The following NOL4 variants were observed in gnomAD, a reference collection of about 807,000 sequenced individuals.
NOL4 encodes cancer/testis antigen 125.
A neutral mutation model predicts 75.9 loss-of-function variants in NOL4; 17 were observed. The ratio of observed to expected loss-of-function variants is 0.22; its 90% CI spans 0.15 to 0.34. NOL4 has a LOEUF of 0.34. Among genes scored for constraint, NOL4 ranks in the 10% least tolerant of loss-of-function variants. The pLI is 1.00. For synonymous variants in NOL4, 292 were observed against 289.9 expected (o/e 1.01, Z -0.07); for missense variants, 614 against 793.5 (o/e 0.77, Z 2.72).
At chr18:34,159,920 G>T (rs1469143887) in intron 1 of NOL4, among the ~76,000 whole-genome samples, 2 of 152,076 alleles carry the variant, frequency 1.3e-5, no homozygotes, top group Non-Finnish European at 2.9e-5. Flanking sequence ...GGAGTGGGGT[G>T]GGGTGGAGTT....
chr18:34,073,768 G>A (rs2077622146), intron 5 of NOL4, among the ~76,000 whole-genome samples: 1 of 151,954 alleles, frequency 6.6e-6, no homozygotes, highest in Non-Finnish European at 1.5e-5. Context: ...TAGGGATATA[G>A]TAATGCAATC....
chr18:34,043,473 C>T (rs2076228601), intron 5 of NOL4, among the ~76,000 whole-genome samples: 2 of 151,882 alleles, frequency 1.3e-5, no homozygotes, highest in Admixed American at 6.6e-5. Context: ...CAAGAAAAAA[C>T]AATAAAAATA....
chr18:33,856,333 G>A (rs552210043), intron 10 of NOL4, among the ~76,000 whole-genome samples: 2 of 152,094 alleles, frequency 1.3e-5, no homozygotes, highest in East Asian at 3.9e-4. Flanking sequence ...TTCAAGTAAA[G>A]TAACCTCTAA....
At chr18:34,094,762 G>T (rs759895291) in intron 4 of NOL4, among the ~76,000 whole-genome samples, 1 of 151,778 alleles carries the variant, frequency 6.6e-6, no homozygotes, top group Non-Finnish European at 1.5e-5. Context: ...TGTTGCACAC[G>T]TTGTTCTTTA....
intron 2 of NOL4, among the ~76,000 whole-genome samples, chr18:34,122,172 G>T (rs2080172919): frequency 6.6e-6 from 1 of 152,164 alleles, no homozygotes; most frequent in Non-Finnish European, 1.5e-5. Flanking sequence ...GCTGAGGAAA[G>T]TGTTCACTCT....
chr18:33,986,592 A>G (rs1362374872), intron 6 of NOL4, among the ~76,000 whole-genome samples: 2 of 152,138 alleles, frequency 1.3e-5, no homozygotes, highest in African/African-American at 4.8e-5. Context: ...GACCATGGTT[A>G]ACCCCAGATA....
chr18:34,167,939 A>G (rs2032587692), intron 1 of NOL4, among the ~76,000 whole-genome samples: 2 of 152,092 alleles, frequency 1.3e-5, no homozygotes, highest in African/African-American at 4.8e-5. Flanking sequence ...TCAGTGCACT[A>G]AATCTCTTTT....
chr18:34,021,944 A>T (rs997530795), intron 5 of NOL4, among the ~76,000 whole-genome samples: 1 of 151,982 alleles, frequency 6.6e-6, no homozygotes, highest in East Asian at 1.9e-4. Flanking sequence ...TCTCTACTTA[A>T]AATACAAAAA....
chr18:33,962,430 A>C (rs777496671), intron 6 of NOL4, among the ~76,000 whole-genome samples: 30 of 152,338 alleles, frequency 2.0e-4, no homozygotes, highest in Non-Finnish European at 3.5e-4. Flanking sequence ...TCTACCAACA[A>C]AGTAAAATGA....
At chr18:34,113,790 T>C (rs981033460) in intron 2 of NOL4, among the ~76,000 whole-genome samples, 5 of 152,228 alleles carry the variant, frequency 3.3e-5, no homozygotes, top group Non-Finnish European at 5.9e-5. Context: ...AGAGACAGCA[T>C]TGAAAGCCTA....
chr18:33,879,037 C>T (rs1283970792), intron 10 of NOL4, among the ~76,000 whole-genome samples: 1 of 152,040 alleles, frequency 6.6e-6, no homozygotes, highest in African/African-American at 2.4e-5. Flanking sequence ...GGACGAGTTC[C>T]TCTCTATGTG....
At chr18:34,057,197 C>T (rs1366828902) in intron 5 of NOL4, among the ~76,000 whole-genome samples, 1 of 152,088 alleles carries the variant, frequency 6.6e-6, no homozygotes, top group East Asian at 1.9e-4. Flanking sequence ...GTTTGGAGTT[C>T]TTGAGAATCT....
At chr18:33,899,748 T>C (rs2065638248) in intron 9 of NOL4, among the ~76,000 whole-genome samples, 1 of 152,110 alleles carries the variant, frequency 6.6e-6, no homozygotes, top group Admixed American at 6.6e-5. Context: ...GAACCAGCCA[T>C]TTTGTTTTAC....
chr18:34,161,528 T>G (rs753533311), intron 1 of NOL4, among the ~76,000 whole-genome samples: 2 of 152,176 alleles, frequency 1.3e-5, no homozygotes, highest in African/African-American at 4.8e-5. Flanking sequence ...TTTTTGATAA[T>G]AGCCATTCTA....
intron 5 of NOL4, among the ~76,000 whole-genome samples, chr18:34,083,933 C>G (rs928613015): frequency 1.5e-4 from 23 of 152,136 alleles, no homozygotes; most frequent in African/African-American, 5.5e-4. Context: ...AGGGCTACTG[C>G]GGTTTGTTGG....
intron 9 of NOL4, among the ~76,000 whole-genome samples, chr18:33,886,804 CGTA>C (rs2064700359): frequency 7.4e-6 from 1 of 135,696 alleles, no homozygotes; most frequent in African/African-American, 3.0e-5. Flanking sequence ...TATCTATATA[CGTA>C]TATAGATATA....
chr18:33,889,015 G>C (rs144602542), intron 9 of NOL4, among the ~76,000 whole-genome samples: 1 of 151,942 alleles, frequency 6.6e-6, no homozygotes, highest in Non-Finnish European at 1.5e-5. Flanking sequence ...AAATAACTAA[G>C]ATCAGAGCAG....
At chr18:34,152,302 T>C (rs992655624) in intron 1 of NOL4, among the ~76,000 whole-genome samples, 1 of 151,862 alleles carries the variant, frequency 6.6e-6, no homozygotes, top group Non-Finnish European at 1.5e-5. Flanking sequence ...GAAATGTTCA[T>C]GTAAAAATAG....
rs558817246 is a variant in NOL4 at position 34,107,674 on chromosome 18, C to T, written c.415-2514G>A. ...AAAAAAATATTTCTCCTGCAACGCA[C>T]GTAAAGAAAAAAAAAAAAAAACTTT... On this transcript the variant is annotated intron_variant, in intron 2 of 10. Coordinates refer to ENST00000261592, the MANE Select transcript of NOL4 (RefSeq NM_003787.5). 3.0e-3 allele frequency among the ~76,000 whole-genome samples: 449 copies of T among 147,690 alleles called. 1 individual carries two copies. Among genetic ancestry groups the T allele is most frequent in the Admixed American group, 8.0e-3 (118 of 14,730 alleles).
Sources: allele counts gnomAD v4.1 joint callset (sites outside exome capture counted in the v4.1 genomes callset), GRCh38; gene constraint gnomAD v4.1.1; transcripts MANE v1.5; gene names NCBI Gene and HGNC (gene_info 2026-07-23, HGNC 2026-07-21).